The following KCNJ16 variants were observed in gnomAD, a reference collection of about 807,000 sequenced individuals.
KCNJ16 encodes the protein potassium inwardly rectifying channel subfamily J member 16, also known as inward rectifier potassium channel 16.
A neutral mutation model predicts 18.5 loss-of-function variants in KCNJ16; 15 were observed. The ratio of observed to expected loss-of-function variants is 0.81; its 90% CI spans 0.54 to 1.25. The LOEUF is 1.25. KCNJ16 is among the 50% of genes most tolerant of loss of function. The pLI, the probability that KCNJ16 is intolerant of heterozygous loss-of-function variation, is 0.00. For synonymous variants in KCNJ16, 174 were observed against 186.5 expected (o/e 0.93, Z 0.55); for missense variants, 523 against 525.7 (o/e 0.99, Z 0.05).
At chr17:70,104,392 C>A (rs2072813835) in intron 2 of KCNJ16, among the ~76,000 whole-genome samples, 3 of 152,196 alleles carry the variant, frequency 2.0e-5, no homozygotes, top group Non-Finnish European at 1.5e-5. Flanking sequence ...GGAGTCACTA[C>A]TGAGGTGGCT....
rs182435593 is a variant in KCNJ16, at chr17:70,117,141, G to A, written c.-190-13738G>A. Among the ~76,000 whole-genome samples, 359 of 152,206 alleles carry A rather than the reference G, an allele frequency of 2.4e-3. 2 individuals are homozygous for A. The highest frequency in any genetic ancestry group is 2.3e-3 in the Non-Finnish European group (159 of 68,012). ...CAGCCATAAAAAAGAACAAAATAAT[G>A]TCCTTTGCAGCAACATTTACGTAGC... On this transcript the variant is annotated intron_variant, in intron 2 of 3. Transcript: ENST00000392671.
intron 2 of KCNJ16, 80 bp from the exon 3 acceptor site, chr17:70,130,799 C>G: frequency 3.0e-6 from 2 of 672,360 alleles, no homozygotes; most frequent in East Asian, 2.7e-5. Flanking sequence ...CACAGGTAGA[C>G]TGTGAAAAAC....
chr17:70,131,304 A>G (rs977679560), intron 3 of KCNJ16: 18 of 1,153,886 alleles, frequency 1.6e-5, no homozygotes, highest in Non-Finnish European at 1.8e-5. Flanking sequence ...GAGTAGTTTT[A>G]GGTCCACTGA....
intron 2 of KCNJ16, chr17:70,101,218 G>A (rs1385729247): frequency 6.6e-6 from 1 of 152,106 alleles, no homozygotes; most frequent in South Asian, 2.1e-4. Flanking sequence ...AGTGGGAAGA[G>A]TTTAGGGATG....
intron 2 of KCNJ16, among the ~76,000 whole-genome samples, chr17:70,124,898 T>G (rs4968881): frequency 3.3e-5 from 5 of 151,100 alleles, no homozygotes; most frequent in African/African-American, 7.3e-5. Context: ...GGGTGTGTGT[T>G]TGTGTGTGTG....
chr17:70,083,348 A>G (rs550573200), intron 1 of KCNJ16, among the ~76,000 whole-genome samples: 77 of 63,920 alleles, frequency 1.2e-3, no homozygotes, highest in African/African-American at 4.4e-3. Flanking sequence ...ATCAACCTGT[A>G]TTGTGTGTAT....
At chr17:70,103,291 T>TGTGTGTGTGTGTGTGC (rs1233446132) in intron 2 of KCNJ16, among the ~76,000 whole-genome samples, 2 of 85,618 alleles carry the variant, frequency 2.3e-5, no homozygotes, top group Non-Finnish European at 4.4e-5. Flanking sequence ...CATATATGTG[T>TGTGTGTGTGTGTGTGC]GTGTGTATAT....
At chr17:70,097,612 C>T (rs928898175) in intron 1 of KCNJ16, among the ~76,000 whole-genome samples, 3 of 152,142 alleles carry the variant, frequency 2.0e-5, no homozygotes, top group East Asian at 3.9e-4. Flanking sequence ...AATTTTTCTA[C>T]AGTGACTATT....
chr17:70,120,535 G>A (rs779870395), intron 2 of KCNJ16, among the ~76,000 whole-genome samples: 24 of 152,286 alleles, frequency 1.6e-4, no homozygotes, highest in Admixed American at 3.3e-4. Context: ...CATAGTGCCC[G>A]CTTCTGCTTC....
intron 2 of KCNJ16, among the ~76,000 whole-genome samples, chr17:70,103,137 A>G (rs1485124983): frequency 1.4e-5 from 2 of 141,896 alleles, no homozygotes; most frequent in East Asian, 2.0e-4. Context: ...ATATATTTAT[A>G]TGTGTATATA....
At chr17:70,092,153 T>G (rs1337488941) in intron 1 of KCNJ16, among the ~76,000 whole-genome samples, 2 of 152,214 alleles carry the variant, frequency 1.3e-5, no homozygotes, top group Non-Finnish European at 2.9e-5. Context: ...GAGTCTTAGT[T>G]TCCATATAGG....
At chr17:70,083,306 T>G (rs1397569725) in intron 1 of KCNJ16, among the ~76,000 whole-genome samples, 1 of 149,418 alleles carries the variant, frequency 6.7e-6, no homozygotes, top group African/African-American at 2.4e-5. Context: ...ATGATATATA[T>G]GTATTAGATA....
rs2074029801 is a variant in KCNJ16, at chr17:70,130,814, ATTCTAATAGTTACT to A, written c.-190-64_-190-51del. On this transcript the variant is annotated intron_variant, in intron 2 of 3. Transcript: ENST00000392671. ...CACAGGTAGACTGTGAAAAACACAT[ATTCTAATAGTTACT>A]AAGCTGTTAAAATTGGCTACAATAC... The A allele has an allele frequency of 3.6e-5, 26 of 723,358 alleles. No homozygotes were observed. In the South Asian group the frequency reaches 4.1e-4, roughly 12 times the overall value. The allele number at this position is 723,358 out of a possible 1,614,324, so 44.8% of individuals were successfully genotyped here.
chr17:70,130,720 G>T (rs948163331), intron 2 of KCNJ16, among the ~76,000 whole-genome samples, 159 bp from the exon 3 acceptor site: 5 of 152,138 alleles, frequency 3.3e-5, no homozygotes, highest in Admixed American at 3.3e-4. Context: ...TATTCATACT[G>T]CATTTTCTAT....
chr17:70,114,628 T>C (rs1008708103), intron 2 of KCNJ16, among the ~76,000 whole-genome samples: 1 of 152,146 alleles, frequency 6.6e-6, no homozygotes, highest in Non-Finnish European at 1.5e-5. Context: ...TAGTACAAAA[T>C]GACTTCTATT....
In KCNJ16 at chr17:70,132,327, T is replaced by G; in HGVS notation, c.240T>G (p.Ser80=). The G allele has an allele frequency of 6.2e-7, 1 of 1,614,232 alleles. No homozygotes were observed. Among genetic ancestry groups the G allele is most frequent in the Non-Finnish European group, 8.5e-7 (1 of 1,180,036 alleles). Residue 80 remains serine (S), a synonymous_variant, in exon 4 of 4, where the codon TCT becomes TCG. Transcript: ENST00000392671. The part of the protein sequence containing the change: ...WRHMFVIFSL[S]YILSWLIFGS... ...ATATGTTTGTGATATTTTCTTTATCTTATATTCTCTCGTGGTTGATATTTG... is the reference window on the plus strand; with the variant it reads ...ATATGTTTGTGATATTTTCTTTATCGTATATTCTCTCGTGGTTGATATTTG...
At chr17:70,118,914 C>G (rs2073523711) in intron 2 of KCNJ16, among the ~76,000 whole-genome samples, 1 of 152,144 alleles carries the variant, frequency 6.6e-6, no homozygotes, top group Non-Finnish European at 1.5e-5. Flanking sequence ...AGCATTAACT[C>G]AAAAGTCTGA....
intron 1 of KCNJ16, among the ~76,000 whole-genome samples, chr17:70,076,929 T>C (rs140588036): frequency 1.1e-4 from 16 of 152,328 alleles, no homozygotes; most frequent in East Asian, 5.8e-4. Context: ...AAGAAGATCA[T>C]TGGGAGCCAT....
At chr17:70,110,540 A>G (rs2073143827) in intron 2 of KCNJ16, among the ~76,000 whole-genome samples, 1 of 152,032 alleles carries the variant, frequency 6.6e-6, no homozygotes, top group African/African-American at 2.4e-5. Context: ...GATGAGAGCT[A>G]GTTCTTCAGT....
Sources: gnomAD v4.1 joint callset for allele counts (sites outside exome capture counted in the v4.1 genomes callset) on GRCh38, gnomAD v4.1.1 for gene constraint, MANE v1.5 for transcripts, NCBI Gene and HGNC (gene_info 2026-07-23, HGNC 2026-07-21) for gene names.